SLC15A2: variants seen among roughly 807,000 people sequenced by gnomAD.
SLC15A2 encodes the protein solute carrier family 15 member 2.
SLC15A2 carries 77 observed loss-of-function variants against 95.5 expected under a neutral mutation model. The observed-to-expected ratio is 0.81, with a 90% CI of 0.67 to 0.97. SLC15A2 has a LOEUF of 0.97. SLC15A2 is among the 50% of genes least tolerant of loss of function. SLC15A2 has a pLI of 0.00. For missense variants in SLC15A2, 893 were observed against 874.4 expected, an observed-to-expected ratio of 1.02 and a Z score of -0.27; for synonymous variants, 306 against 306.9, an observed-to-expected ratio of 1.00 and a Z score of 0.03.
intron 19 of SLC15A2, among the ~76,000 whole-genome samples, chr3:121,935,860 G>T (rs1326493966): frequency 6.6e-6 from 1 of 152,052 alleles, no homozygotes; most frequent in Non-Finnish European, 1.5e-5. Context: ...TGATGTTAGG[G>T]TGTCAATTTT....
intron 4 of SLC15A2, among the ~76,000 whole-genome samples, chr3:121,912,391 G>A (rs777298929): frequency 7.2e-5 from 11 of 151,824 alleles, no homozygotes; most frequent in Non-Finnish European, 1.2e-4. Flanking sequence ...CTGCCACCAC[G>A]CCCGGCTAAT....
intron 19 of SLC15A2, among the ~76,000 whole-genome samples, chr3:121,936,094 C>G (rs1710341004): frequency 6.6e-6 from 1 of 152,114 alleles, no homozygotes; most frequent in African/African-American, 2.4e-5. Context: ...ATTCTTAATC[C>G]TGAGTTCTAG....
chr3:121,941,113 C>A lies in SLC15A2; in HGVS notation c.*106C>A. The A allele has an allele frequency of 2.0e-6, 2 of 977,782 alleles. No individual in the cohort carries two copies. The highest frequency in any genetic ancestry group is 3.0e-6 in the Non-Finnish European group (2 of 674,524). 60.6% of individuals were successfully genotyped at this position (977,782 alleles called of 1,614,324 possible). On this transcript the variant is annotated 3_prime_UTR_variant, in exon 22 of 22. Coordinates refer to ENST00000489711, the MANE Select transcript of SLC15A2 (RefSeq NM_021082.4). ...GAGATAGCAGCATATCAGAGCTGATCTCCTCCACCTTTCTCCAATGACAGA... is the reference window on the plus strand; with the variant it reads ...GAGATAGCAGCATATCAGAGCTGATATCCTCCACCTTTCTCCAATGACAGA...
intron 3 of SLC15A2, among the ~76,000 whole-genome samples, chr3:121,908,747 T>C (rs1047437600): frequency 6.6e-6 from 1 of 152,260 alleles, no homozygotes; most frequent in African/African-American, 2.4e-5. Context: ...ATTCATATGG[T>C]GAAATAAAAT....
At chr3:121,924,895 T>G in intron 12 of SLC15A2, 50 bp from the exon 13 acceptor site, 1 of 1,322,880 alleles carries the variant, frequency 7.6e-7, no homozygotes, top group Non-Finnish European at 1.1e-6. Flanking sequence ...GTGCTCACAC[T>G]CATGATAGGA....
At position 121,897,378 on chromosome 3, in the gene SLC15A2, C is replaced by T. The variant is rs1267182260; in HGVS notation, c.194-10C>T. 6.2e-7 allele frequency: 1 copy of T among 1,604,584 alleles called. No individual in the cohort carries two copies. The highest frequency in any genetic ancestry group is 1.4e-5 in the African/African-American group (1 of 73,984). ...TGTCTCCCCACGCCTCCTTTTTTTTCCCACTACAGCTGTGCTGATCCTGTA... is the reference window on the plus strand; with the variant it reads ...TGTCTCCCCACGCCTCCTTTTTTTTTCCACTACAGCTGTGCTGATCCTGTA... On this transcript the variant is annotated splice_polypyrimidine_tract_variant and intron_variant, in intron 2 of 21. Transcript: ENST00000489711.
At chr3:121,937,450 G>C (rs1269607018) in intron 19 of SLC15A2, among the ~76,000 whole-genome samples, 6 of 137,756 alleles carry the variant, frequency 4.4e-5, no homozygotes, top group Non-Finnish European at 3.1e-5. Context: ...ATTTCTTGGA[G>C]GCTTTGCTCG....
chr3:121,908,078 CT>C (rs1709691696), intron 3 of SLC15A2, among the ~76,000 whole-genome samples: 1 of 152,250 alleles, frequency 6.6e-6, no homozygotes, highest in East Asian at 1.9e-4. Flanking sequence ...CTACTCAAGC[CT>C]CAGCAATGGC....
intron 3 of SLC15A2, among the ~76,000 whole-genome samples, 158 bp downstream of exon 3, chr3:121,897,687 G>A (rs1468367378): frequency 6.6e-6 from 1 of 152,102 alleles, no homozygotes; most frequent in Non-Finnish European, 1.5e-5. Context: ...TAAAAAAAAA[G>A]AATCTCTGTG....
chr3:121,910,471 A>G (rs2332052), intron 3 of SLC15A2, among the ~76,000 whole-genome samples: 67,387 of 151,488 alleles, frequency 0.44, 15,442 homozygotes, highest in East Asian at 0.69. Flanking sequence ...CTGGGATTAC[A>G]AGCGTGAGCC....
In SLC15A2 at chr3:121,940,847, T is replaced by A; in HGVS notation, c.2030T>A (p.Leu677Ter). 6.2e-7 allele frequency: 1 copy of A among 1,612,190 alleles called. No individual in the cohort carries two copies. Among genetic ancestry groups the A allele is most frequent in the Non-Finnish European group, 8.5e-7 (1 of 1,179,484 alleles). ...SGLVQWAEFI[L>*]FSCLLLVICL... The stretch of plus-strand genomic sequence containing the variant: ...CCCCTGCAGTGGGCCGAATTCATTT[T>A]GTTTTCCTGCCTCCTGCTGGTGATC... Residue 677 changes from leucine to a stop codon, truncating the protein, a stop_gained, in exon 22 of 22, where the codon TTG becomes TAG. Coordinates refer to ENST00000489711, the MANE Select transcript of SLC15A2 (RefSeq NM_021082.4). LOFTEE classifies it high-confidence loss of function.
At chr3:121,936,004 G>A (rs1194069907) in intron 19 of SLC15A2, among the ~76,000 whole-genome samples, 1 of 152,092 alleles carries the variant, frequency 6.6e-6, no homozygotes, top group African/African-American at 2.4e-5. Context: ...CTTTATTTCT[G>A]CCTTCATTTC....
At chr3:121,912,235 G>T (rs1252301388) in intron 4 of SLC15A2, among the ~76,000 whole-genome samples, 1 of 152,058 alleles carries the variant, frequency 6.6e-6, no homozygotes, top group Non-Finnish European at 1.5e-5. Flanking sequence ...AATTTTGTTT[G>T]TTTGTTTGTT....
chr3:121,918,094 G>C (rs1389729993), intron 7 of SLC15A2, among the ~76,000 whole-genome samples: 1 of 152,176 alleles, frequency 6.6e-6, no homozygotes, highest in Non-Finnish European at 1.5e-5. Context: ...TGTAGAGAAA[G>C]GATTGTGTTG....
At chr3:121,936,171 A>G (rs546273538) in intron 19 of SLC15A2, among the ~76,000 whole-genome samples, 3 of 151,896 alleles carry the variant, frequency 2.0e-5, no homozygotes, top group Admixed American at 6.6e-5. Context: ...TGCCGAGGAG[A>G]GCTTTACTTC....
At position 121,940,892 on chromosome 3, in the gene SLC15A2, T is replaced by G; in HGVS notation, c.2075T>G (p.Met692Arg). Residue 692 changes from methionine to arginine, a missense_variant, in exon 22 of 22, where the codon ATG becomes AGG. Physicochemically the swap from Met to Arg is moderately conservative, Grantham distance 91. Coordinates refer to ENST00000489711, the MANE Select transcript of SLC15A2 (RefSeq NM_021082.4). ...GTGATCTGCCTGATCTTCTCCATCA[T>G]GGGCTACTACTATGTTCCTGTAAAG... ...LLVICLIFSI[M>R]GYYYVPVKTE... 2 of 1,614,182 alleles carry G rather than the reference T, an allele frequency of 1.2e-6. No homozygotes were observed. The highest frequency in any genetic ancestry group is 1.1e-5 in the South Asian group (1 of 91,070).
In SLC15A2 at chr3:121,938,860, G is replaced by A. The variant is rs142236547; in HGVS notation, c.1762-489G>A. On this transcript the variant is annotated intron_variant, in intron 19 of 21. Transcript: ENST00000489711. ...TTTAACCCTTGTTGCAAAAGAATCTGTTCTTCTAATCTTGTTCATTTTCTT... is the reference window on the plus strand; with the variant it reads ...TTTAACCCTTGTTGCAAAAGAATCTATTCTTCTAATCTTGTTCATTTTCTT... Among the ~76,000 whole-genome samples, 52 of 152,320 alleles carry A rather than the reference G, an allele frequency of 3.4e-4. No individual in the cohort carries two copies. The East Asian group carries it at 8.7e-3, about 25-fold the overall frequency.
At chr3:121,900,209 G>A (rs1427900798) in intron 3 of SLC15A2, among the ~76,000 whole-genome samples, 1 of 152,114 alleles carries the variant, frequency 6.6e-6, no homozygotes, top group Non-Finnish European at 1.5e-5. Context: ...CCACAAATCT[G>A]TTCTTTCTTC....
chr3:121,898,924 G>A (rs1486756464), intron 3 of SLC15A2, among the ~76,000 whole-genome samples: 1 of 152,170 alleles, frequency 6.6e-6, no homozygotes, highest in Non-Finnish European at 1.5e-5. Flanking sequence ...GTACTGAACA[G>A]TTTCTTGACT....
Sources: allele counts gnomAD v4.1 joint callset (sites outside exome capture counted in the v4.1 genomes callset), GRCh38; gene constraint gnomAD v4.1.1; transcripts MANE v1.5; gene names NCBI Gene and HGNC (gene_info 2026-07-23, HGNC 2026-07-21).